The following C3orf20 variants were observed in gnomAD, a reference collection of about 807,000 sequenced individuals.
C3orf20 encodes the protein family with sequence similarity 149 member C, also known as uncharacterized protein C3orf20.
A neutral mutation model predicts 88.3 loss-of-function variants in C3orf20; 76 were observed. The ratio of observed to expected loss-of-function variants is 0.86; its 90% CI spans 0.72 to 1.04. C3orf20 has a LOEUF of 1.04. Among genes scored for constraint, C3orf20 ranks in the 50% least tolerant of loss-of-function variants. C3orf20 has a pLI of 0.00. For missense variants in C3orf20, 1,056 were observed against 1,123.3 expected, an observed-to-expected ratio of 0.94 and a Z score of 0.86; for synonymous variants, 436 against 437.4, an observed-to-expected ratio of 1.00 and a Z score of 0.04.
intron 10 of C3orf20, among the ~76,000 whole-genome samples, chr3:14,723,139 T>C (rs1231082835): frequency 6.6e-6 from 1 of 152,238 alleles, no homozygotes; most frequent in Non-Finnish European, 1.5e-5. Flanking sequence ...AAAAGTGTCC[T>C]GGTTTGGATG....
At chr3:14,707,386 A>G (rs1169136820) in intron 7 of C3orf20, among the ~76,000 whole-genome samples, 4 of 151,438 alleles carry the variant, frequency 2.6e-5, no homozygotes, top group Non-Finnish European at 4.4e-5. Flanking sequence ...TGTGAGTGGT[A>G]TCTCACTGTG....
intron 9 of C3orf20, among the ~76,000 whole-genome samples, chr3:14,717,824 T>C (rs769036896): frequency 9.9e-5 from 15 of 152,204 alleles, no homozygotes; most frequent in Non-Finnish European, 1.9e-4. Context: ...TATTAAAGGA[T>C]ATTTTTGCTG....
chr3:14,757,254 C>T (rs2035400372), intron 12 of C3orf20, 117 bp from the exon 13 acceptor site: 1 of 841,948 alleles, frequency 1.2e-6, no homozygotes, highest in Non-Finnish European at 1.9e-6. Flanking sequence ...GGCAGCAGGG[C>T]CCAGACTAAA....
At chr3:14,706,160 C>G (rs1039587506) in intron 7 of C3orf20, among the ~76,000 whole-genome samples, 1 of 152,132 alleles carries the variant, frequency 6.6e-6, no homozygotes, top group African/African-American at 2.4e-5. Context: ...TTGGCCTCCT[C>G]TTGACTGAAC....
chr3:14,737,726 A>G (rs1454190826), intron 12 of C3orf20, among the ~76,000 whole-genome samples: 1 of 152,208 alleles, frequency 6.6e-6, no homozygotes, highest in East Asian at 1.9e-4. Flanking sequence ...CCTTTCACAA[A>G]AGATTTCTCT....
chr3:14,739,210 T>G (rs1352351829), intron 12 of C3orf20, among the ~76,000 whole-genome samples: 1 of 152,198 alleles, frequency 6.6e-6, no homozygotes, highest in African/African-American at 2.4e-5. Context: ...ACAAAATGTA[T>G]TTCTTAGGTA....
chr3:14,738,389 C>T lies in C3orf20; in HGVS notation c.1940+9701C>T, dbSNP rs145162261. On this transcript the variant is annotated intron_variant, in intron 12 of 16. Coordinates refer to ENST00000253697, the MANE Select transcript of C3orf20 (RefSeq NM_032137.5). ...TGTTGCCCAGGCTGGAGTGCAGTGG[C>T]GTGATCTCAGCTCACTGCAAGCTCC... 1.9e-4 allele frequency among the ~76,000 whole-genome samples: 29 copies of T among 150,916 alleles called. No individual in the cohort carries two copies. In the South Asian group the frequency reaches 5.5e-3, roughly 28 times the overall value.
chr3:14,759,557 T>C (rs968689212), intron 13 of C3orf20, among the ~76,000 whole-genome samples: 49 of 152,300 alleles, frequency 3.2e-4, no homozygotes, highest in African/African-American at 1.1e-3. Context: ...AGTTCCCATC[T>C]TCAAACCTCT....
At chr3:14,690,479 C>T (rs554158660) in intron 5 of C3orf20, among the ~76,000 whole-genome samples, 2 of 152,320 alleles carry the variant, frequency 1.3e-5, no homozygotes, top group South Asian at 4.1e-4. Context: ...AGTCACACAG[C>T]AAGTGGGGGA....
intron 12 of C3orf20, among the ~76,000 whole-genome samples, chr3:14,753,817 A>G (rs201944345): frequency 1.3e-5 from 2 of 152,146 alleles, no homozygotes; most frequent in East Asian, 3.9e-4. Flanking sequence ...GTCTCCATTC[A>G]GTTAGGTAAG....
At chr3:14,771,652 C>A (rs2035860678) in intron 15 of C3orf20, among the ~76,000 whole-genome samples, 1 of 152,208 alleles carries the variant, frequency 6.6e-6, no homozygotes, top group South Asian at 2.1e-4. Flanking sequence ...ACCCTATTTC[C>A]AAATAAGGCC....
intron 7 of C3orf20, among the ~76,000 whole-genome samples, chr3:14,707,455 G>A (rs1450183647): frequency 7.0e-6 from 1 of 141,960 alleles, no homozygotes. Flanking sequence ...TTGTGTGTGT[G>A]TGTGTGTGTG....
intron 3 of C3orf20, among the ~76,000 whole-genome samples, chr3:14,683,673 C>T (rs762536066): frequency 9.2e-5 from 14 of 151,954 alleles, no homozygotes; most frequent in Admixed American, 9.2e-4. Flanking sequence ...GTCAGGAGTT[C>T]GAGACCAGCC....
chr3:14,760,929 T>C (rs1186372443), intron 14 of C3orf20, among the ~76,000 whole-genome samples: 2 of 152,180 alleles, frequency 1.3e-5, no homozygotes, highest in African/African-American at 4.8e-5. Flanking sequence ...AAGTTATTTG[T>C]ATTTTTTTGC....
intron 1 of C3orf20, among the ~76,000 whole-genome samples, chr3:14,680,177 A>G (rs1247492041): frequency 2.0e-5 from 3 of 152,254 alleles, no homozygotes; most frequent in Admixed American, 1.3e-4. Flanking sequence ...GAATGAAAAC[A>G]TACATCCACA....
intron 15 of C3orf20, among the ~76,000 whole-genome samples, chr3:14,764,507 ATTGTTG>A (rs962763180): frequency 2.1e-4 from 28 of 132,840 alleles, no homozygotes; most frequent in African/African-American, 4.3e-4. Flanking sequence ...TATTATTATT[ATTGTTG>A]TTGTTGTTGT....
chr3:14,684,465 T>A (rs1288316690), intron 4 of C3orf20, 83 bp downstream of exon 4: 1 of 1,531,238 alleles, frequency 6.5e-7, no homozygotes, highest in Non-Finnish European at 8.8e-7. Context: ...ACCCCCAGTT[T>A]GAAGGTTTGA....
chr3:14,767,694 C>A (rs1419904083), intron 15 of C3orf20, among the ~76,000 whole-genome samples: 2 of 152,232 alleles, frequency 1.3e-5, no homozygotes, highest in Non-Finnish European at 2.9e-5. Context: ...AAGACAAAAT[C>A]CTTTGTAAAT....
chr3:14,684,915 G>A (rs926389838), intron 4 of C3orf20, among the ~76,000 whole-genome samples: 3 of 152,210 alleles, frequency 2.0e-5, no homozygotes, highest in African/African-American at 7.2e-5. Flanking sequence ...CAGGCATGGT[G>A]GCTTATGCCT....
Sources: allele counts gnomAD v4.1 joint callset (sites outside exome capture counted in the v4.1 genomes callset), GRCh38; gene constraint gnomAD v4.1.1; transcripts MANE v1.5; gene names NCBI Gene and HGNC (gene_info 2026-07-23, HGNC 2026-07-21).